Variants in PRKAR2B observed in about 807,000 individuals in gnomAD.
PRKAR2B encodes the protein cAMP-dependent protein kinase type II-beta regulatory subunit.
In PRKAR2B, 14 loss-of-function variants were observed where a neutral mutation model predicts 49.9. That is an observed-to-expected ratio of 0.28 (90% CI 0.19 to 0.44). PRKAR2B has a LOEUF of 0.44. Ranked by LOEUF, PRKAR2B falls within the 20% of genes least tolerant of loss-of-function variation. The probability of loss-of-function intolerance (pLI) is 1.00; values close to 1 mark genes in which losing one functional copy is unlikely to be tolerated. For missense variants in PRKAR2B, 393 were observed against 537.9 expected (o/e 0.73, Z 2.67); for synonymous variants, 196 against 197.7 (o/e 0.99, Z 0.07).
At chr7:107,105,736 C>A (rs1795059189) in intron 2 of PRKAR2B, among the ~76,000 whole-genome samples, 1 of 152,112 alleles carries the variant, frequency 6.6e-6, no homozygotes, top group African/African-American at 2.4e-5. Context: ...CAGTGGCCCT[C>A]TTAGTGACAG....
chr7:107,153,978 G>A (rs556601909), intron 8 of PRKAR2B, among the ~76,000 whole-genome samples: 1 of 152,128 alleles, frequency 6.6e-6, no homozygotes, highest in South Asian at 2.1e-4. Flanking sequence ...CCTTTATATG[G>A]GAAACAAGAT....
intron 2 of PRKAR2B, among the ~76,000 whole-genome samples, chr7:107,107,823 A>G (rs1332575700): frequency 1.3e-5 from 2 of 152,048 alleles, no homozygotes; most frequent in Non-Finnish European, 2.9e-5. Context: ...ATGCCCAGCT[A>G]ATTTTTGTAT....
At chr7:107,146,565 C>CA in intron 6 of PRKAR2B, 104 bp downstream of exon 6, 2 of 1,276,438 alleles carry the variant, frequency 1.6e-6, no homozygotes, top group Non-Finnish European at 2.1e-6. Flanking sequence ...GATCATCAGT[C>CA]ATCAGGTAAT....
chr7:107,083,860 C>T (rs1028598990), intron 2 of PRKAR2B, among the ~76,000 whole-genome samples: 1 of 152,164 alleles, frequency 6.6e-6, no homozygotes, highest in Non-Finnish European at 1.5e-5. Flanking sequence ...ATCCACCTGC[C>T]TCAGCCTCCC....
intron 4 of PRKAR2B, among the ~76,000 whole-genome samples, chr7:107,138,195 A>T (rs964174999): frequency 6.6e-6 from 1 of 152,180 alleles, no homozygotes; most frequent in Non-Finnish European, 1.5e-5. Flanking sequence ...TCAAACCCAT[A>T]GAATGTACAA....
At chr7:107,117,610 A>T (rs1287439859) in intron 2 of PRKAR2B, among the ~76,000 whole-genome samples, 1 of 152,188 alleles carries the variant, frequency 6.6e-6, no homozygotes, top group Non-Finnish European at 1.5e-5. Context: ...GGATGCGAAT[A>T]TGGGTCATGT....
At chr7:107,128,919 A>C (rs550440683) in intron 4 of PRKAR2B, 26 of 151,856 alleles carry the variant, frequency 1.7e-4, no homozygotes, top group Admixed American at 4.6e-4. Context: ...TGTGATGTAC[A>C]TATTCTGCTT....
intron 1 of PRKAR2B, among the ~76,000 whole-genome samples, chr7:107,068,164 C>T (rs1325357033): frequency 6.6e-6 from 1 of 152,110 alleles, no homozygotes; most frequent in African/African-American, 2.4e-5. Flanking sequence ...TTACCTTAAA[C>T]ACTTCAGAAA....
intron 4 of PRKAR2B, among the ~76,000 whole-genome samples, chr7:107,130,492 G>A (rs1795585851): frequency 6.6e-6 from 1 of 151,988 alleles, no homozygotes; most frequent in East Asian, 1.9e-4. Context: ...GCAACAGAGC[G>A]AGACTCTGTC....
At position 107,124,292 on chromosome 7, in the gene PRKAR2B, C is replaced by T. The variant is rs559511947; in HGVS notation, c.396+2288C>T. On this transcript the variant is annotated intron_variant, in intron 3 of 10. Transcript: ENST00000265717. ...AAGAGCTAATAAGGGTAGAGTATTTCTTATGTTTCTCCACAAAAATTTTTT... is the reference window on the plus strand; with the variant it reads ...AAGAGCTAATAAGGGTAGAGTATTTTTTATGTTTCTCCACAAAAATTTTTT... Among the ~76,000 whole-genome samples the T allele has an allele frequency of 2.0e-5, 3 of 152,246 alleles. No homozygotes were observed. The South Asian group carries it at 6.2e-4, about 32-fold the overall frequency.
At chr7:107,072,070 A>G (rs192507154) in intron 2 of PRKAR2B, among the ~76,000 whole-genome samples, 1,607 of 66,572 alleles carry the variant, frequency 0.024, 42 homozygotes, top group African/African-American at 0.046. Context: ...CCGCATCTCA[A>G]AAAAAAAAAA....
intron 2 of PRKAR2B, among the ~76,000 whole-genome samples, chr7:107,120,773 G>A (rs962511225): frequency 1.3e-5 from 2 of 151,816 alleles, no homozygotes; most frequent in Non-Finnish European, 2.9e-5. Context: ...AAATAAATAT[G>A]CATAATCTAT....
chr7:107,158,592 A>C (rs181356623), intron 10 of PRKAR2B, among the ~76,000 whole-genome samples: 3 of 152,254 alleles, frequency 2.0e-5, no homozygotes, highest in African/African-American at 4.8e-5. Context: ...TTTGGCTCCA[A>C]CTTTTTTGTG....
chr7:107,055,309 A>C (rs1307788524), intron 1 of PRKAR2B, among the ~76,000 whole-genome samples: 1 of 152,178 alleles, frequency 6.6e-6, no homozygotes, highest in East Asian at 1.9e-4. Flanking sequence ...GTGTTTTATA[A>C]TCCTTTGGGT....
At chr7:107,138,267 T>G (rs1295668807) in intron 4 of PRKAR2B, among the ~76,000 whole-genome samples, 3 of 152,204 alleles carry the variant, frequency 2.0e-5, no homozygotes, top group Non-Finnish European at 4.4e-5. Context: ...CAGTATAGAT[T>G]CAGCAGTTGT....
intron 2 of PRKAR2B, among the ~76,000 whole-genome samples, chr7:107,112,291 CTTAA>C (rs1473903330): frequency 2.0e-5 from 3 of 149,724 alleles, no homozygotes; most frequent in African/African-American, 7.4e-5. Flanking sequence ...ACTTAAAATG[CTTAA>C]TTATTAGTTT....
At chr7:107,089,599 G>T (rs775256947) in intron 2 of PRKAR2B, among the ~76,000 whole-genome samples, 2 of 152,176 alleles carry the variant, frequency 1.3e-5, no homozygotes, top group South Asian at 4.1e-4. Context: ...AAAGTTATTT[G>T]CAGGGTACAT....
intron 5 of PRKAR2B, among the ~76,000 whole-genome samples, chr7:107,145,620 T>G (rs528486540): frequency 6.6e-5 from 10 of 152,278 alleles, no homozygotes; most frequent in Admixed American, 2.0e-4. Flanking sequence ...GATCTTGCTA[T>G]GTTGCCCAGG....
At chr7:107,049,596 A>G (rs1451294735) in intron 1 of PRKAR2B, among the ~76,000 whole-genome samples, 2 of 152,216 alleles carry the variant, frequency 1.3e-5, no homozygotes, top group Non-Finnish European at 2.9e-5. Context: ...TCATTGATAT[A>G]AAATCTTACA....
Sources: gnomAD v4.1 joint callset for allele counts (sites outside exome capture counted in the v4.1 genomes callset) on GRCh38, gnomAD v4.1.1 for gene constraint, MANE v1.5 for transcripts, NCBI Gene and HGNC (gene_info 2026-07-23, HGNC 2026-07-21) for gene names.